Variants in OR2C3 observed in about 807,000 individuals in gnomAD.
OR2C3 encodes olfactory receptor family 2 subfamily C member 3.
For synonymous variants in OR2C3, 178 were observed against 163.4 expected (o/e 1.09, Z -0.68); for missense variants, 425 against 401.5 (o/e 1.06, Z -0.50).
In OR2C3 at chr1:247,528,803, C is replaced by T. The variant is rs890602790; in HGVS notation, c.*2746G>A. On this transcript the variant is annotated 3_prime_UTR_variant, in exon 3 of 3. Coordinates refer to ENST00000641802, the MANE Select transcript of OR2C3 (RefSeq NM_198074.6). ...ATAAGGCTGGAAAATTAATGGCAGG[C>T]AAATCTGGAGAAGAGGACATTGAAG... is the stretch of plus-strand genomic sequence containing the variant. The T allele has an allele frequency of 6.6e-6, 1 of 152,086 alleles. No homozygotes were observed. Among genetic ancestry groups the T allele is most frequent in the African/African-American group, 2.4e-5 (1 of 41,402 alleles). 9.4% of individuals were successfully genotyped at this position (152,086 alleles called of 1,614,324 possible).
intron 2 of OR2C3, 51 bp from the exon 3 acceptor site, chr1:247,532,591 T>G: frequency 7.7e-7 from 1 of 1,291,166 alleles, no homozygotes; most frequent in Non-Finnish European, 1.1e-6. Flanking sequence ...AGCAATTACA[T>G]CAGTTAGCAA....
chr1:247,527,391 C>T lies in OR2C3; in HGVS notation c.*4158G>A, dbSNP rs1666723385. On this transcript the variant is annotated 3_prime_UTR_variant, in exon 3 of 3. Coordinates refer to ENST00000641802, the MANE Select transcript of OR2C3 (RefSeq NM_198074.6). The surrounding 1 kb of genome is among the most constrained non-coding windows in gnomAD (Gnocchi z 4.6). ...GACAGATATTTGGGGTAACGGGTCCCAGAGGGTCCTACTGCCACTTCCTCA... is the reference window on the plus strand; with the variant it reads ...GACAGATATTTGGGGTAACGGGTCCTAGAGGGTCCTACTGCCACTTCCTCA... 6.0e-6 allele frequency: 1 copy of T among 166,852 alleles called. No homozygotes were observed. The allele number at this position is 166,852 out of a possible 1,614,324, so 10.3% of individuals were successfully genotyped here. A position where few individuals can be genotyped will look rare whatever the true frequency, so the allele number is the denominator to read the frequency against.
intron 1 of OR2C3, among the ~76,000 whole-genome samples, chr1:247,535,228 T>C (rs1165796694): frequency 1.3e-5 from 2 of 152,164 alleles, no homozygotes; most frequent in Non-Finnish European, 2.9e-5. Flanking sequence ...GGCTAGAGGA[T>C]GGCTTCAACC....
rs749263540 is a variant in OR2C3, at chr1:247,532,246, G to A, written c.266C>T (p.Pro89Leu). The change falls in exon 3 of 3, where the codon CCA becomes CTA. Residue 89 changes from proline to leucine, a missense_variant. Physicochemically the swap from Pro to Leu is moderately conservative, Grantham distance 98. Transcript: ENST00000641802. ...VPQLLANLWG[P>L]QKTISYGGCV... ...CCCTCCATAGCTTATGGTTTTCTGT[G>A]GTCCCCAGAGGTTAGCCAGGAGCTG... 1.2e-6 allele frequency: 2 copies of A among 1,614,216 alleles called. No homozygotes were observed. The highest frequency in any genetic ancestry group is 1.7e-6 in the Non-Finnish European group (2 of 1,180,040).
rs1437002229 is a variant in OR2C3 at position 247,526,446 on chromosome 1, A to C, written c.*5103T>G. The C allele has an allele frequency of 6.5e-6, 1 of 155,012 alleles. No individual in the cohort carries two copies. The highest frequency in any genetic ancestry group is 1.4e-5 in the Non-Finnish European group (1 of 69,936). 9.6% of individuals were successfully genotyped at this position (155,012 alleles called of 1,614,324 possible). Reference sequence around the variant, plus strand: ...TGATCCCAGAGAGCAGGAAAGGGCAAGGACAAAGAGGGTTTGGCCATGACC... The same window carrying C: ...TGATCCCAGAGAGCAGGAAAGGGCACGGACAAAGAGGGTTTGGCCATGACC... On this transcript the variant is annotated 3_prime_UTR_variant, in exon 3 of 3. Transcript: ENST00000641802. This position sits in a 1 kb window ranked among gnomAD's most constrained non-coding sequence, Gnocchi z 4.8.
intron 1 of OR2C3, among the ~76,000 whole-genome samples, chr1:247,535,769 A>T (rs1290766010): frequency 1.3e-5 from 2 of 152,228 alleles, no homozygotes; most frequent in African/African-American, 4.8e-5. Context: ...TATACCCAAG[A>T]TACTCAGATT....
chr1:247,535,607 A>G (rs1218814635), intron 1 of OR2C3, among the ~76,000 whole-genome samples: 1 of 152,252 alleles, frequency 6.6e-6, no homozygotes, highest in African/African-American at 2.4e-5. Context: ...GAAAATGTGT[A>G]AATGATGCTG....
chr1:247,534,085 GT>G, intron 1 of OR2C3, among the ~76,000 whole-genome samples: 1 of 152,038 alleles, frequency 6.6e-6, no homozygotes, highest in Non-Finnish European at 1.5e-5. Context: ...CCCTGACTGT[GT>G]TATATAATAT....
Position 247,527,998 on chromosome 1 carries a change from CT to C in OR2C3, c.*3550del, listed in dbSNP as rs1666750060. 6.6e-6 allele frequency: 1 copy of C among 151,910 alleles called. No individual in the cohort carries two copies. Among genetic ancestry groups the C allele is most frequent in the Non-Finnish European group, 1.5e-5 (1 of 67,984 alleles). 9.4% of individuals were successfully genotyped at this position (151,910 alleles called of 1,614,324 possible). A position where few individuals can be genotyped will look rare whatever the true frequency, so the allele number is the denominator to read the frequency against. On this transcript the variant is annotated 3_prime_UTR_variant, in exon 3 of 3. Coordinates refer to ENST00000641802, the MANE Select transcript of OR2C3 (RefSeq NM_198074.6). The surrounding 1 kb of genome is among the most constrained non-coding windows in gnomAD (Gnocchi z 4.6). Reference sequence around the variant, plus strand: ...ATGAATGAGAACATGCAGTATTTAACTTTCTCAAAAATTTTATCTAATACTT... The same window carrying C: ...ATGAATGAGAACATGCAGTATTTAACTTCTCAAAAATTTTATCTAATACTT...
rs577933270 is a variant in OR2C3 at position 247,526,950 on chromosome 1, C to G, written c.*4599G>C. 14 of 456,486 alleles carry G rather than the reference C, an allele frequency of 3.1e-5. No individual in the cohort carries two copies. Among genetic ancestry groups the G allele is most frequent in the African/African-American group, 2.2e-4 (11 of 50,062 alleles). 28.3% of individuals were successfully genotyped at this position (456,486 alleles called of 1,614,324 possible). A position where few individuals can be genotyped will look rare whatever the true frequency, so the allele number is the denominator to read the frequency against. ...TTCACTTTCTTTCAGGATTTACTGC[C>G]TCAAGATGGTTATGTTGGAGGATTC... On this transcript the variant is annotated 3_prime_UTR_variant, in exon 3 of 3. Coordinates refer to ENST00000641802, the MANE Select transcript of OR2C3 (RefSeq NM_198074.6). This position sits in a 1 kb window ranked among gnomAD's most constrained non-coding sequence, Gnocchi z 4.8.
rs997388394 is a variant in OR2C3, at chr1:247,526,237, T to C, written c.*5312A>G. On this transcript the variant is annotated 3_prime_UTR_variant, in exon 3 of 3. Coordinates refer to ENST00000641802, the MANE Select transcript of OR2C3 (RefSeq NM_198074.6). The surrounding 1 kb of genome is among the most constrained non-coding windows in gnomAD (Gnocchi z 4.8). ...TTTCTGAATTCTTGCATTCCTTTCTTACCATGAGAAGCTTGCCATGTTGAG... is the reference window on the plus strand; with the variant it reads ...TTTCTGAATTCTTGCATTCCTTTCTCACCATGAGAAGCTTGCCATGTTGAG... The C allele has an allele frequency of 2.0e-5, 3 of 152,224 alleles. No homozygotes were observed. Among genetic ancestry groups the C allele is most frequent in the African/African-American group, 7.2e-5 (3 of 41,464 alleles). The allele number at this position is 152,224 out of a possible 1,614,324, so 9.4% of individuals were successfully genotyped here.
At chr1:247,532,701 A>G in intron 2 of OR2C3, 161 bp from the exon 3 acceptor site, 3 of 596,356 alleles carry the variant, frequency 5.0e-6, no homozygotes, top group Admixed American at 3.1e-5. Context: ...GGATCAAGCA[A>G]TCCTCCCACC....
rs780392451 is a variant in OR2C3, at chr1:247,527,016, T to C, written c.*4533A>G. ...ATGTGGAGCCAGAAATTGTGTGGAA[T>C]GCCTGGTGTTTCTTTCAGTTCTTGG... On this transcript the variant is annotated 3_prime_UTR_variant, in exon 3 of 3. Coordinates refer to ENST00000641802, the MANE Select transcript of OR2C3 (RefSeq NM_198074.6). This position sits in a 1 kb window ranked among gnomAD's most constrained non-coding sequence, Gnocchi z 4.6. 8.8e-6 allele frequency: 4 copies of C among 456,648 alleles called. No individual in the cohort carries two copies. The highest frequency in any genetic ancestry group is 1.8e-5 in the Non-Finnish European group (4 of 226,980). The allele number at this position is 456,648 out of a possible 1,614,324, so 28.3% of individuals were successfully genotyped here.
At chr1:247,534,271 T>TG (rs1667128669) in intron 1 of OR2C3, among the ~76,000 whole-genome samples, 1 of 152,224 alleles carries the variant, frequency 6.6e-6, no homozygotes, top group Admixed American at 6.5e-5. Context: ...GGGTCCCCAG[T>TG]GTCTAACCCA....
Position 247,531,776 on chromosome 1 carries a change from C to A in OR2C3, c.736G>T (p.Val246Leu). 6.2e-7 allele frequency: 1 copy of A among 1,614,168 alleles called. No homozygotes were observed. Among genetic ancestry groups the A allele is most frequent in the East Asian group, 2.2e-5 (1 of 44,888 alleles). The change falls in exon 3 of 3, where the codon GTG becomes TTG. Residue 246 changes from valine to leucine, a missense_variant. By Grantham distance (32) the Val-to-Leu change is conservative. Coordinates refer to ENST00000641802, the MANE Select transcript of OR2C3 (RefSeq NM_198074.6). ...RKAFNTCSSH[V>L]AVVSLFYGSI... is the part of the protein sequence containing the mutation. Reference sequence around the variant, plus strand: ...CCGTAAAACAGAGACACCACAGCCACGTGGGAAGAACAGGTGTTGAATGCC... The same window carrying A: ...CCGTAAAACAGAGACACCACAGCCAAGTGGGAAGAACAGGTGTTGAATGCC...
Position 247,531,309 on chromosome 1 carries a change from C to T in OR2C3, c.*240G>A. The stretch of plus-strand genomic sequence containing the variant: ...GCAAGGAGTTTACAAAACAAGATGA[C>T]AGTCAACATGTGTATATATAGCAAA... On this transcript the variant is annotated 3_prime_UTR_variant, in exon 3 of 3. Coordinates refer to ENST00000641802, the MANE Select transcript of OR2C3 (RefSeq NM_198074.6). 1.9e-6 allele frequency: 1 copy of T among 524,064 alleles called. No homozygotes were observed. Among genetic ancestry groups the T allele is most frequent in the Non-Finnish European group, 3.4e-6 (1 of 297,196 alleles). The allele number at this position is 524,064 out of a possible 1,614,324, so 32.5% of individuals were successfully genotyped here.
chr1:247,534,745 T>G (rs994579315), intron 1 of OR2C3, among the ~76,000 whole-genome samples: 1 of 152,140 alleles, frequency 6.6e-6, no homozygotes, highest in Admixed American at 6.5e-5. Flanking sequence ...AATTTACCTA[T>G]CCCTGTAACT....
Position 247,529,898 on chromosome 1 carries a change from G to A in OR2C3, c.*1651C>T, listed in dbSNP as rs1030774657. Reference sequence around the variant, plus strand: ...TTTTGCCTCCAGACTTTGAACTCAAGCTGCAACATCAACCTCTGTCAAAAT... The same window carrying A: ...TTTTGCCTCCAGACTTTGAACTCAAACTGCAACATCAACCTCTGTCAAAAT... On this transcript the variant is annotated 3_prime_UTR_variant, in exon 3 of 3. Coordinates refer to ENST00000641802, the MANE Select transcript of OR2C3 (RefSeq NM_198074.6). The A allele has an allele frequency of 3.9e-5, 6 of 152,118 alleles. No individual in the cohort carries two copies. The highest frequency in any genetic ancestry group is 7.3e-5 in the Non-Finnish European group (5 of 68,028). 9.4% of individuals were successfully genotyped at this position (152,118 alleles called of 1,614,324 possible).
At chr1:247,534,217 T>A (rs1667126473) in intron 1 of OR2C3, among the ~76,000 whole-genome samples, 1 of 152,200 alleles carries the variant, frequency 6.6e-6, no homozygotes, top group African/African-American at 2.4e-5. Flanking sequence ...CTCCACTAGA[T>A]CATAAATTCC....
Sources: allele counts gnomAD v4.1 joint callset (sites outside exome capture counted in the v4.1 genomes callset), GRCh38; gene constraint gnomAD v4.1.1; non-coding constraint Gnocchi (gnomAD v3.1); transcripts MANE v1.5; gene names NCBI Gene and HGNC (gene_info 2026-07-23, HGNC 2026-07-21).